CACNA2D1: variants seen among roughly 807,000 people sequenced by gnomAD.
The protein encoded by CACNA2D1 is voltage-dependent calcium channel subunit alpha-2/delta-1.
Under a neutral mutation model 171.5 loss-of-function variants are expected in CACNA2D1, and 53 were observed. The observed-to-expected ratio is 0.31, with a 90% confidence interval of 0.25 to 0.39. CACNA2D1 has a LOEUF of 0.39. CACNA2D1 is among the 10% of genes least tolerant of loss of function. CACNA2D1 has a pLI of 1.00. For synonymous variants in CACNA2D1, 442 were observed against 443.1 expected (o/e 1.00, Z 0.03); for missense variants, 903 against 1,299.8 (o/e 0.69, Z 4.69).
Position 82,295,278 on chromosome 7 carries a change from C to T in CACNA2D1, c.294+39857G>A, listed in dbSNP as rs538845480. Among the ~76,000 whole-genome samples the T allele has an allele frequency of 5.3e-5, 8 of 151,304 alleles. 1 individual carries two copies. The South Asian group carries it at 1.7e-3, about 32-fold the overall frequency. On this transcript the variant is annotated intron_variant, in intron 3 of 38. Transcript: ENST00000356860. The stretch of plus-strand genomic sequence containing the variant: ...ACAGGTGGAATAAGTTCAAGAGACA[C>T]AAGGTGAGTATAATTAATAACAATT...
chr7:82,426,404 T>C (rs888855161), intron 1 of CACNA2D1, among the ~76,000 whole-genome samples: 1 of 152,138 alleles, frequency 6.6e-6, no homozygotes, highest in Non-Finnish European at 1.5e-5. Flanking sequence ...ACCCCTCTTC[T>C]ATACTTTAAA....
At chr7:82,128,717 T>A (rs911653776) in intron 5 of CACNA2D1, among the ~76,000 whole-genome samples, 1 of 152,160 alleles carries the variant, frequency 6.6e-6, no homozygotes, top group East Asian at 1.9e-4. Flanking sequence ...CCAAATTTTG[T>A]CCTGATGCCA....
At chr7:82,111,325 C>T (rs543849636) in intron 6 of CACNA2D1, among the ~76,000 whole-genome samples, 7 of 110,372 alleles carry the variant, frequency 6.3e-5, no homozygotes, top group African/African-American at 1.2e-4. Context: ...CGTGTATATA[C>T]GCATACACGT....
rs1383165695 is a variant in CACNA2D1 at position 82,150,265 on chromosome 7, AAAAACAAAAACAACAAC to A, written c.355-13606_355-13590del. On this transcript the variant is annotated intron_variant, in intron 4 of 38. Transcript: ENST00000356860. ...TTTGCTTTAGATCAAATTAAAAAAA[AAAAACAAAAACAACAAC>A]AAAAAAAAACACCCTAGTAGCTGGG... Among the ~76,000 whole-genome samples, 21 of 87,108 alleles carry A rather than the reference AAAAACAAAAACAACAAC, an allele frequency of 2.4e-4. 2 individuals are homozygous for A. Among genetic ancestry groups the A allele is most frequent in the African/African-American group, 4.6e-4 (6 of 13,104 alleles). 57.1% of individuals were successfully genotyped at this position (87,108 alleles called of 152,430 possible).
chr7:82,341,785 C>A (rs879560825), intron 2 of CACNA2D1, among the ~76,000 whole-genome samples: 1 of 151,956 alleles, frequency 6.6e-6, no homozygotes, highest in African/African-American at 2.4e-5. Context: ...CGGTGGCTCA[C>A]GCCTGTAATC....
At chr7:82,029,211 A>G (rs1802337522) in intron 12 of CACNA2D1, 1 of 151,710 alleles carries the variant, frequency 6.6e-6, no homozygotes, top group African/African-American at 2.4e-5. Flanking sequence ...AGACTTGCTG[A>G]AGTCTTAGAT....
chr7:82,140,479 A>G (rs1186263470), intron 4 of CACNA2D1, among the ~76,000 whole-genome samples: 1 of 152,162 alleles, frequency 6.6e-6, no homozygotes, highest in Non-Finnish European at 1.5e-5. Context: ...ATCAATTTTA[A>G]TAAGAATAAA....
Position 81,967,601 on chromosome 7 carries a change from C to A in CACNA2D1, c.2458G>T (p.Asp820Tyr), listed in dbSNP as rs1374964378. 7.4e-6 allele frequency: 11 copies of A among 1,485,594 alleles called. No homozygotes were observed. The South Asian group carries it at 1.3e-4, about 17-fold the overall frequency. The allele number at this position is 1,485,594 out of a possible 1,614,324, so 92.0% of individuals were successfully genotyped here. ...ATTTTTTAAAAATATCTTACCGGAT[C>A]TCTGATTGAGGTTTTGGTGAAATTC... ...IENFTKTSIRDPCAGPVCDCK... is the reference protein window; with the variant it reads ...IENFTKTSIRYPCAGPVCDCK... Residue 820 changes from aspartate to tyrosine, a missense_variant, in exon 30 of 39, where the codon GAT (aspartate) becomes TAT (tyrosine). Coordinates refer to ENST00000356860, the MANE Select transcript of CACNA2D1 (RefSeq NM_000722.4).
intron 6 of CACNA2D1, among the ~76,000 whole-genome samples, chr7:82,111,905 C>G (rs1388814956): frequency 1.3e-5 from 2 of 151,944 alleles, no homozygotes; most frequent in Non-Finnish European, 2.9e-5. Context: ...GTTTTTTAAA[C>G]TAATCCATCA....
intron 1 of CACNA2D1, among the ~76,000 whole-genome samples, chr7:82,404,677 CATT>C (rs1265887974): frequency 9.2e-5 from 14 of 152,158 alleles, no homozygotes; most frequent in African/African-American, 3.4e-4. Flanking sequence ...AAAACTAACT[CATT>C]ATTTCAGACC....
intron 1 of CACNA2D1, among the ~76,000 whole-genome samples, chr7:82,431,760 C>T (rs534014529): frequency 3.4e-5 from 5 of 149,240 alleles, no homozygotes; most frequent in African/African-American, 1.3e-4. Flanking sequence ...AAACATGAGG[C>T]CAGGCGCAGT....
rs1425910380 is a variant in CACNA2D1 at position 82,309,448 on chromosome 7, T to G, written c.294+25687A>C. ...TGATAAAATGGAAAGTCTTCAGAAC[T>G]ATACTAAATATAATTCAGACATTTT... On this transcript the variant is annotated intron_variant, in intron 3 of 38. Transcript: ENST00000356860. Among the ~76,000 whole-genome samples the G allele has an allele frequency of 2.0e-5, 3 of 152,078 alleles. No homozygotes were observed. The East Asian group carries it at 5.8e-4, about 29-fold the overall frequency.
At chr7:82,202,755 G>A (rs565578877) in intron 3 of CACNA2D1, among the ~76,000 whole-genome samples, 14 of 152,114 alleles carry the variant, frequency 9.2e-5, no homozygotes, top group East Asian at 2.0e-4. Context: ...TGTCTCAGTC[G>A]GAGACCCCAT....
chr7:82,411,559 T>G (rs1827665968), intron 1 of CACNA2D1, among the ~76,000 whole-genome samples: 1 of 152,128 alleles, frequency 6.6e-6, no homozygotes, highest in Admixed American at 6.6e-5. Flanking sequence ...TAATATTATT[T>G]AAAATATATT....
intron 3 of CACNA2D1, among the ~76,000 whole-genome samples, chr7:82,305,362 T>C (rs1563340215): frequency 6.6e-6 from 1 of 152,196 alleles, no homozygotes; most frequent in Non-Finnish European, 1.5e-5. Context: ...TCAGAGGGTC[T>C]ACAAATTAAC....
intron 3 of CACNA2D1, among the ~76,000 whole-genome samples, chr7:82,305,056 T>C (rs1015989123): frequency 6.6e-6 from 1 of 152,166 alleles, no homozygotes; most frequent in Non-Finnish European, 1.5e-5. Context: ...GCTATTAGTC[T>C]CAAATAGTCC....
At chr7:82,205,245 A>C (rs1799895184) in intron 3 of CACNA2D1, among the ~76,000 whole-genome samples, 1 of 152,168 alleles carries the variant, frequency 6.6e-6, no homozygotes, top group African/African-American at 2.4e-5. Flanking sequence ...TTATATAATG[A>C]TTTAAAGAAT....
chr7:82,039,994 T>G (rs2131218461), intron 10 of CACNA2D1, among the ~76,000 whole-genome samples: 1 of 152,256 alleles, frequency 6.6e-6, no homozygotes, highest in Admixed American at 6.5e-5. Context: ...AAATGTAAAA[T>G]AATTGAATCT....
rs577565929 is a variant in CACNA2D1, at chr7:82,401,629, C to T, written c.95+41736G>A. Among the ~76,000 whole-genome samples the T allele has an allele frequency of 3.3e-5, 5 of 151,340 alleles. No individual in the cohort carries two copies. The East Asian group carries it at 5.8e-4, about 18-fold the overall frequency. ...CTAGATGACGAGTTAGTGGGTGCAG[C>T]GCACCAGCGTGGCACATGTATACAT... On this transcript the variant is annotated intron_variant, in intron 1 of 38. Coordinates refer to ENST00000356860, the MANE Select transcript of CACNA2D1 (RefSeq NM_000722.4).
Sources: allele counts gnomAD v4.1 joint callset (sites outside exome capture counted in the v4.1 genomes callset), GRCh38; gene constraint gnomAD v4.1.1; transcripts MANE v1.5; gene names NCBI Gene and HGNC (gene_info 2026-07-23, HGNC 2026-07-21).